The following STIMATE variants were observed in gnomAD, a reference collection of about 807,000 sequenced individuals.
STIMATE encodes the protein STIM activating enhancer.
Under a neutral mutation model 36.7 loss-of-function variants are expected in STIMATE, and 15 were observed. That is an observed-to-expected ratio of 0.41 (90% CI 0.27 to 0.63). The LOEUF (loss-of-function observed/expected upper bound fraction) is 0.63. Among genes scored for constraint, STIMATE ranks in the 20% least tolerant of loss-of-function variants. The probability of loss-of-function intolerance (pLI) is 0.32; values close to 1 mark genes in which losing one functional copy is unlikely to be tolerated. For missense variants in STIMATE, 305 were observed against 397.3 expected, an observed-to-expected ratio of 0.77 and a Z score of 1.98; for synonymous variants, 163 against 162.3, an observed-to-expected ratio of 1.00 and a Z score of -0.03.
At chr3:52,890,094 G>C (rs996696347) in intron 1 of STIMATE, among the ~76,000 whole-genome samples, 2 of 152,052 alleles carry the variant, frequency 1.3e-5, no homozygotes, top group Non-Finnish European at 2.9e-5. Context: ...ACACTTCCTC[G>C]AGTCCCCAGG....
At chr3:52,865,491 C>T (rs1701290140) in intron 1 of STIMATE, among the ~76,000 whole-genome samples, 1 of 152,144 alleles carries the variant, frequency 6.6e-6, no homozygotes, top group Non-Finnish European at 1.5e-5. Context: ...GCCTCAGAAT[C>T]ATGGTGGGAG....
rs138703122 is a variant in STIMATE, at chr3:52,892,910, C to T, written c.160+4381G>A. On this transcript the variant is annotated intron_variant, in intron 1 of 7. Transcript: ENST00000355083. ...AAAACTGGGTATCTGAATCTAATAA[C>T]TGCTCCAGACCAAACTCAGGAAAAC... Among the ~76,000 whole-genome samples, 314 of 152,254 alleles carry T rather than the reference C, an allele frequency of 2.1e-3. 1 individual carries two copies. The highest frequency in any genetic ancestry group is 3.4e-3 in the Non-Finnish European group (232 of 68,014).
chr3:52,855,551 A>G, intron 1 of STIMATE, 107 bp from the exon 2 acceptor site: 1 of 1,447,962 alleles, frequency 6.9e-7, no homozygotes, highest in East Asian at 2.4e-5. Context: ...TAACCAAGGT[A>G]ATACACACAC....
intron 5 of STIMATE, 81 bp downstream of exon 5, chr3:52,844,748 A>G: frequency 1.3e-6 from 2 of 1,530,552 alleles, no homozygotes; most frequent in East Asian, 2.3e-5. Context: ...GTTTTCCTAG[A>G]GTTGGCGTAT....
chr3:52,842,690 C>A (rs566121105), intron 7 of STIMATE, 121 bp downstream of exon 7: 5 of 1,534,740 alleles, frequency 3.3e-6, no homozygotes, highest in Non-Finnish European at 4.4e-6. Context: ...TCTTCTCCTG[C>A]CCTCTGGCTC....
rs1204981902 is a variant in STIMATE at position 52,855,413 on chromosome 3, T to C, written c.192A>G (p.Arg64=). 1 of 1,613,266 alleles carries C rather than the reference T, an allele frequency of 6.2e-7. No individual in the cohort carries two copies. The highest frequency in any genetic ancestry group is 1.1e-5 in the South Asian group (1 of 91,056). The change falls in exon 2 of 8, where the codon AGA becomes AGG. Residue 64 remains arginine, a synonymous_variant. Coordinates refer to ENST00000355083, the MANE Select transcript of STIMATE (RefSeq NM_198563.5). ...ACACATACCATATCCTCCACGGACGTCTTTCATGCTTTGGTTCTCTGAAGC... is the reference window on the plus strand; with the variant it reads ...ACACATACCATATCCTCCACGGACGCCTTTCATGCTTTGGTTCTCTGAAGC... ...LKRFREPKHE[R]RPWRIWFLDT...
rs1559488313 is a variant in STIMATE at position 52,842,969 on chromosome 3, A to T, written c.619-9T>A. On this transcript the variant is annotated splice_polypyrimidine_tract_variant and intron_variant, in intron 6 of 7. Coordinates refer to ENST00000355083, the MANE Select transcript of STIMATE (RefSeq NM_198563.5). ...ACCCAAAACATCAAAGCCTGTGGGAAGGAAAAGTGCAGGTTACTTTGGGAT... is the reference window on the plus strand; with the variant it reads ...ACCCAAAACATCAAAGCCTGTGGGATGGAAAAGTGCAGGTTACTTTGGGAT... The T allele has an allele frequency of 6.2e-7, 1 of 1,614,184 alleles. No individual in the cohort carries two copies. The highest frequency in any genetic ancestry group is 8.5e-7 in the Non-Finnish European group (1 of 1,180,022).
chr3:52,862,148 G>A (rs1472817630), intron 1 of STIMATE, among the ~76,000 whole-genome samples: 7 of 152,158 alleles, frequency 4.6e-5, no homozygotes, highest in Non-Finnish European at 8.8e-5. Flanking sequence ...TAGAATGGAA[G>A]TGTCCTCACC....
Position 52,838,582 on chromosome 3 carries a change from G to A in STIMATE, c.*1912C>T, listed in dbSNP as rs775288693. ...GGAAATACTGGCTACCATAGCTGTG[G>A]ATGGGAGGGAGCACAAAGTCAATCC... On this transcript the variant is annotated 3_prime_UTR_variant, in exon 8 of 8. Coordinates refer to ENST00000355083, the MANE Select transcript of STIMATE (RefSeq NM_198563.5). 7 of 152,228 alleles carry A rather than the reference G, an allele frequency of 4.6e-5. No homozygotes were observed. Among genetic ancestry groups the A allele is most frequent in the Non-Finnish European group, 8.8e-5 (6 of 68,058 alleles). The allele number at this position is 152,228 out of a possible 1,614,324, so 9.4% of individuals were successfully genotyped here.
intron 1 of STIMATE, among the ~76,000 whole-genome samples, chr3:52,875,668 C>G (rs1480197356): frequency 1.3e-5 from 2 of 152,302 alleles, no homozygotes; most frequent in East Asian, 3.9e-4. Context: ...GTCCACCTGT[C>G]AAGAGTTAAG....
At chr3:52,863,488 C>A (rs1193235743) in intron 1 of STIMATE, among the ~76,000 whole-genome samples, 1 of 152,176 alleles carries the variant, frequency 6.6e-6, no homozygotes, top group Admixed American at 6.5e-5. Context: ...TATGGGAGTA[C>A]AATTCAAGGT....
intron 4 of STIMATE, among the ~76,000 whole-genome samples, chr3:52,845,934 G>A (rs77276567): frequency 1.0e-5 from 1 of 98,764 alleles, no homozygotes; most frequent in African/African-American, 3.2e-5. Context: ...CATTTTGGGG[G>A]TGGCGGGGGG....
At chr3:52,884,483 T>G (rs4687683) in intron 1 of STIMATE, among the ~76,000 whole-genome samples, 87,761 of 151,860 alleles carry the variant, frequency 0.58, 25,780 homozygotes, top group Middle Eastern at 0.64. Flanking sequence ...TGACCTCAAG[T>G]GATCCACCCG....
intron 2 of STIMATE, 117 bp from the exon 3 acceptor site, chr3:52,852,815 A>T (rs1701031792): frequency 2.3e-6 from 3 of 1,302,014 alleles, no homozygotes; most frequent in Non-Finnish European, 3.2e-6. Flanking sequence ...ATCACTGGTT[A>T]TCTCTTCCTG....
intron 1 of STIMATE, among the ~76,000 whole-genome samples, chr3:52,872,651 A>G (rs1701427054): frequency 1.3e-5 from 2 of 152,304 alleles, no homozygotes; most frequent in South Asian, 4.1e-4. Context: ...TTTGAGACGG[A>G]GTCTCGCTCT....
At chr3:52,843,579 G>A in intron 6 of STIMATE, 142 bp downstream of exon 6, 1 of 1,276,990 alleles carries the variant, frequency 7.8e-7, no homozygotes, top group Admixed American at 1.9e-5. Flanking sequence ...CCATTTCCAG[G>A]TCTGGGGGTG....
intron 1 of STIMATE, among the ~76,000 whole-genome samples, chr3:52,876,276 G>A (rs1229275332): frequency 1.3e-5 from 2 of 152,192 alleles, no homozygotes; most frequent in Admixed American, 6.5e-5. Context: ...CCAGAACCCA[G>A]GCCACTGCTG....
At chr3:52,868,350 C>T (rs1363170633) in intron 1 of STIMATE, among the ~76,000 whole-genome samples, 1 of 152,202 alleles carries the variant, frequency 6.6e-6, no homozygotes, top group African/African-American at 2.4e-5. Flanking sequence ...CCTAGCAGAA[C>T]TCTAAATCCA....
At chr3:52,871,644 T>TCATC in intron 1 of STIMATE, among the ~76,000 whole-genome samples, 1 of 152,266 alleles carries the variant, frequency 6.6e-6, no homozygotes, top group South Asian at 2.1e-4. Flanking sequence ...ACTCATTCAT[T>TCATC]CATCCATCCA....
Sources: allele counts gnomAD v4.1 joint callset (sites outside exome capture counted in the v4.1 genomes callset), GRCh38; gene constraint gnomAD v4.1.1; transcripts MANE v1.5; gene names NCBI Gene and HGNC (gene_info 2026-07-23, HGNC 2026-07-21).